NXPH2: variants seen among roughly 807,000 people sequenced by gnomAD.
NXPH2 encodes neurexophilin 2.
A neutral mutation model predicts 19.8 loss-of-function variants in NXPH2; 5 were observed. That is an observed-to-expected ratio of 0.25 (90% confidence interval 0.13 to 0.53). The LOEUF (loss-of-function observed/expected upper bound fraction) is 0.53. Among genes scored for constraint, NXPH2 ranks in the 20% least tolerant of loss-of-function variants. The pLI, the probability that NXPH2 is intolerant of heterozygous loss-of-function variation, is 0.96. For missense variants in NXPH2, 289 were observed against 322.8 expected (o/e 0.90, Z 0.80); for synonymous variants, 154 against 127.4 (o/e 1.21, Z -1.41).
rs112802599 is a variant in NXPH2 at position 138,713,448 on chromosome 2, G to A, written c.52-41783C>T. Among the ~76,000 whole-genome samples, 266 of 152,298 alleles carry A rather than the reference G, an allele frequency of 1.7e-3. 1 individual carries two copies. Among genetic ancestry groups the A allele is most frequent in the African/African-American group, 5.8e-3 (241 of 41,570 alleles). ...TGTACTTCACTCAGAGCTTTGCTGC[G>A]TGGTGTTAGGTTATCCAGTGTGCTC... On this transcript the variant is annotated intron_variant, in intron 1 of 1. Transcript: ENST00000272641.
At chr2:138,731,259 T>G (rs541990166) in intron 1 of NXPH2, among the ~76,000 whole-genome samples, 1 of 152,274 alleles carries the variant, frequency 6.6e-6, no homozygotes, top group African/African-American at 2.4e-5. Flanking sequence ...TAAATGACTA[T>G]GAGTTCAGTA....
chr2:138,748,256 T>A (rs1243272281), intron 1 of NXPH2, among the ~76,000 whole-genome samples: 1 of 152,210 alleles, frequency 6.6e-6, no homozygotes. Flanking sequence ...AACACAGGAA[T>A]GAGACAGTTA....
intron 1 of NXPH2, among the ~76,000 whole-genome samples, chr2:138,753,894 T>A (rs78801481): frequency 0.041 from 6,183 of 152,306 alleles, 147 homozygotes; most frequent in Middle Eastern, 0.085. Flanking sequence ...ATACAGTTTC[T>A]TGCTGTTAGT....
At chr2:138,710,506 C>G (rs1312314427) in intron 1 of NXPH2, among the ~76,000 whole-genome samples, 2 of 152,074 alleles carry the variant, frequency 1.3e-5, no homozygotes, top group East Asian at 3.9e-4. Context: ...AGCAACTCCA[C>G]TATTTTACAT....
At chr2:138,710,593 T>G (rs1681090696) in intron 1 of NXPH2, among the ~76,000 whole-genome samples, 1 of 152,106 alleles carries the variant, frequency 6.6e-6, no homozygotes, top group South Asian at 2.1e-4. Context: ...CAAATGAAGG[T>G]TATCTTGAAG....
At chr2:138,693,822 G>A (rs1287091644) in intron 1 of NXPH2, among the ~76,000 whole-genome samples, 1 of 152,154 alleles carries the variant, frequency 6.6e-6, no homozygotes, top group African/African-American at 2.4e-5. Context: ...ACCTATGACA[G>A]TGTTATGGGT....
intron 1 of NXPH2, among the ~76,000 whole-genome samples, chr2:138,751,800 T>A (rs2104834034): frequency 6.6e-6 from 1 of 152,266 alleles, no homozygotes; most frequent in Non-Finnish European, 1.5e-5. Context: ...AATGTTATCA[T>A]ATTTTTTCCA....
At chr2:138,692,611 T>C (rs1680761972) in intron 1 of NXPH2, among the ~76,000 whole-genome samples, 1 of 152,186 alleles carries the variant, frequency 6.6e-6, no homozygotes, top group Non-Finnish European at 1.5e-5. Context: ...GCAGATGAAA[T>C]TAATAATTGT....
intron 1 of NXPH2, among the ~76,000 whole-genome samples, chr2:138,745,892 G>A (rs1573975583): frequency 6.6e-6 from 1 of 152,180 alleles, no homozygotes; most frequent in Non-Finnish European, 1.5e-5. Flanking sequence ...ATTTGATACG[G>A]CCCATAAATA....
At position 138,718,789 on chromosome 2, in the gene NXPH2, A is replaced by G. The variant is rs1486076771; in HGVS notation, c.52-47124T>C. On this transcript the variant is annotated intron_variant, in intron 1 of 1. Transcript: ENST00000272641. Reference sequence around the variant, plus strand: ...TATTTATAAAAGCATAATCCCATTAATGCCTTTTTAAAGTTGGTTCAAAAG... The same window carrying G: ...TATTTATAAAAGCATAATCCCATTAGTGCCTTTTTAAAGTTGGTTCAAAAG... Among the ~76,000 whole-genome samples the G allele has an allele frequency of 2.0e-5, 3 of 152,198 alleles. No homozygotes were observed. In the East Asian group the frequency reaches 5.8e-4, roughly 29 times the overall value.
intron 1 of NXPH2, among the ~76,000 whole-genome samples, chr2:138,694,370 G>T (rs1680795893): frequency 6.6e-6 from 1 of 152,184 alleles, no homozygotes; most frequent in African/African-American, 2.4e-5. Context: ...AATCAAGATA[G>T]TTATTATGGT....
intron 1 of NXPH2, among the ~76,000 whole-genome samples, chr2:138,773,857 G>A (rs1186302871): frequency 1.3e-5 from 2 of 152,138 alleles, no homozygotes; most frequent in African/African-American, 4.8e-5. Flanking sequence ...CTTACAGTTG[G>A]ATTGAATCCC....
At chr2:138,702,340 T>G (rs948413762) in intron 1 of NXPH2, among the ~76,000 whole-genome samples, 2 of 152,184 alleles carry the variant, frequency 1.3e-5, no homozygotes, top group Non-Finnish European at 2.9e-5. Flanking sequence ...AGGCTAGTCT[T>G]GAACTCTTGG....
intron 1 of NXPH2, among the ~76,000 whole-genome samples, chr2:138,751,037 C>T (rs1383631315): frequency 6.6e-6 from 1 of 150,678 alleles, no homozygotes; most frequent in Non-Finnish European, 1.5e-5. Context: ...CACCCCCACC[C>T]CCATCTCTTT....
chr2:138,671,107 T>C lies in NXPH2; in HGVS notation c.610A>G (p.Asn204Asp), dbSNP rs1387419817. The C allele has an allele frequency of 6.2e-7, 1 of 1,613,966 alleles. No individual in the cohort carries two copies. The change falls in exon 2 of 2, where the codon AAC (asparagine) becomes GAC (aspartate). Residue 204 changes from asparagine (N) to aspartate (D), a missense_variant. Asn to Asp is a conservative substitution (Grantham distance 23, BLOSUM62 1). Coordinates refer to ENST00000272641, the MANE Select transcript of NXPH2 (RefSeq NM_007226.3). The stretch of plus-strand genomic sequence containing the variant: ...TAGCAGATCTTGGATGGGTCAAAGT[T>C]GCACAGGGCGGTCTTTTTCGCCCGA... Reference protein sequence around the residue: ...TDRAKKTALCNFDPSKICYQE... With the variant: ...TDRAKKTALCDFDPSKICYQE...
intron 1 of NXPH2, among the ~76,000 whole-genome samples, chr2:138,773,297 T>A (rs1352497899): frequency 6.6e-6 from 1 of 152,190 alleles, no homozygotes; most frequent in Admixed American, 6.5e-5. Flanking sequence ...CTTCATCTTT[T>A]TTTCCATTTC....
At chr2:138,675,739 A>G (rs13414524) in intron 1 of NXPH2, among the ~76,000 whole-genome samples, 29,614 of 152,028 alleles carry the variant, frequency 0.19, 2,994 homozygotes, top group African/African-American at 0.23. Context: ...GGTTCCCTAT[A>G]TGAGAATTTG....
chr2:138,699,739 A>G (rs998177402), intron 1 of NXPH2, among the ~76,000 whole-genome samples: 1 of 152,136 alleles, frequency 6.6e-6, no homozygotes, highest in Admixed American at 6.5e-5. Flanking sequence ...TTGGGTGAGA[A>G]CTTTCCTATT....
chr2:138,715,412 T>C (rs531636767), intron 1 of NXPH2, among the ~76,000 whole-genome samples: 2 of 152,376 alleles, frequency 1.3e-5, no homozygotes, highest in East Asian at 1.9e-4. Context: ...TGTCATAATG[T>C]GTGTCCATAC....
Sources: allele counts gnomAD v4.1 joint callset (sites outside exome capture counted in the v4.1 genomes callset), GRCh38; gene constraint gnomAD v4.1.1; transcripts MANE v1.5; gene names NCBI Gene and HGNC (gene_info 2026-07-23, HGNC 2026-07-21).